PPP3CA: variants seen among roughly 807,000 people sequenced by gnomAD.
PPP3CA encodes the protein protein phosphatase 3 catalytic subunit alpha, also known as CAM-PRP catalytic subunit.
Under a neutral mutation model 66.5 loss-of-function variants are expected in PPP3CA, and 14 were observed. The ratio of observed to expected loss-of-function variants is 0.21; its 90% CI spans 0.14 to 0.33. PPP3CA has a LOEUF of 0.33. Among genes scored for constraint, PPP3CA ranks in the 10% least tolerant of loss-of-function variants. PPP3CA has a pLI of 1.00. For missense variants in PPP3CA, 317 were observed against 639.5 expected, an observed-to-expected ratio of 0.50 and a Z score of 5.44; for synonymous variants, 232 against 226.2, an observed-to-expected ratio of 1.03 and a Z score of -0.23.
intron 1 of PPP3CA, among the ~76,000 whole-genome samples, chr4:101,313,637 T>C (rs549308138): frequency 3.9e-5 from 6 of 152,280 alleles, no homozygotes; most frequent in African/African-American, 1.4e-4. Context: ...TGGTTGGTAG[T>C]ATTTTAAATC....
chr4:101,321,644 A>G (rs1404982375), intron 1 of PPP3CA, among the ~76,000 whole-genome samples: 1 of 152,226 alleles, frequency 6.6e-6, no homozygotes, highest in Non-Finnish European at 1.5e-5. Context: ...GGCATAAAAC[A>G]AGGGAACCCT....
chr4:101,108,883 T>C lies in PPP3CA; in HGVS notation c.384+71A>G, dbSNP rs1224320485. The C allele has an allele frequency of 3.4e-6, 5 of 1,480,550 alleles. No homozygotes were observed. The African/African-American group carries it at 5.6e-5, about 17-fold the overall frequency. 91.7% of individuals were successfully genotyped at this position (1,480,550 alleles called of 1,614,324 possible). On this transcript the variant is annotated intron_variant, in intron 3 of 13. Coordinates refer to ENST00000394854, the MANE Select transcript of PPP3CA (RefSeq NM_000944.5). ...GAGGTTTCCATAAGGCAATAACATT[T>C]ACTGCTTTTATTTTTTTGAGATACT...
intron 8 of PPP3CA, among the ~76,000 whole-genome samples, chr4:101,067,549 AAAC>A (rs1385174834): frequency 2.0e-5 from 3 of 151,622 alleles, no homozygotes; most frequent in African/African-American, 2.4e-5. Context: ...ACAAAAAAAA[AAAC>A]AACTAGTATT....
At chr4:101,156,526 C>T (rs1355339992) in intron 2 of PPP3CA, among the ~76,000 whole-genome samples, 1 of 151,992 alleles carries the variant, frequency 6.6e-6, no homozygotes, top group Non-Finnish European at 1.5e-5. Flanking sequence ...ACTAAAAATA[C>T]AAAATTAGCT....
intron 1 of PPP3CA, among the ~76,000 whole-genome samples, chr4:101,268,723 A>G (rs1276146103): frequency 6.6e-6 from 1 of 152,148 alleles, no homozygotes; most frequent in Non-Finnish European, 1.5e-5. Context: ...TTAATGTATT[A>G]GTCATATATA....
chr4:101,294,937 A>G (rs970267101), intron 1 of PPP3CA, among the ~76,000 whole-genome samples: 1 of 152,218 alleles, frequency 6.6e-6, no homozygotes, highest in African/African-American at 2.4e-5. Context: ...ATGTTTATAC[A>G]CAAGGTAAAG....
intron 1 of PPP3CA, among the ~76,000 whole-genome samples, chr4:101,236,209 TTAAA>T (rs1444080817): frequency 6.6e-6 from 1 of 151,872 alleles, no homozygotes; most frequent in Non-Finnish European, 1.5e-5. Context: ...GAAACAAACT[TTAAA>T]TAGTACGATA....
chr4:101,104,347 A>G (rs1730566291), intron 3 of PPP3CA, among the ~76,000 whole-genome samples: 1 of 152,190 alleles, frequency 6.6e-6, no homozygotes, highest in Non-Finnish European at 1.5e-5. Context: ...AGAACATTTT[A>G]TATCTAATGC....
At chr4:101,117,845 T>C (rs1721892258) in intron 2 of PPP3CA, among the ~76,000 whole-genome samples, 1 of 152,008 alleles carries the variant, frequency 6.6e-6, no homozygotes, top group Non-Finnish European at 1.5e-5. Flanking sequence ...TTGATTATCA[T>C]CACCAGCCCA....
rs192106472 is a variant in PPP3CA, at chr4:101,102,617, G to A, written c.385-2895C>T. The stretch of plus-strand genomic sequence containing the variant: ...TGCCAAGTACAACACTGTCTTGCCG[G>A]CAACTATTTTACCATCTAAAGCTCT... On this transcript the variant is annotated intron_variant, in intron 3 of 13. Transcript: ENST00000394854. 1.9e-4 allele frequency among the ~76,000 whole-genome samples: 29 copies of A among 152,146 alleles called. No individual in the cohort carries two copies. In the East Asian group the frequency reaches 4.8e-3, roughly 25 times the overall value.
intron 1 of PPP3CA, among the ~76,000 whole-genome samples, chr4:101,310,960 T>C (rs937611329): frequency 1.4e-4 from 21 of 152,180 alleles, no homozygotes; most frequent in Admixed American, 1.3e-4. Context: ...GTGAAAAATA[T>C]TAACACATTT....
At chr4:101,239,498 C>A (rs1726232682) in intron 1 of PPP3CA, among the ~76,000 whole-genome samples, 1 of 151,904 alleles carries the variant, frequency 6.6e-6, no homozygotes, top group South Asian at 2.1e-4. Context: ...AGGACAAGAC[C>A]TAAGGACAAT....
chr4:101,266,375 T>G (rs1004862487), intron 1 of PPP3CA, among the ~76,000 whole-genome samples: 2 of 152,172 alleles, frequency 1.3e-5, no homozygotes, highest in Non-Finnish European at 2.9e-5. Context: ...ATTAAGTGAA[T>G]GCATTTTTCA....
intron 1 of PPP3CA, among the ~76,000 whole-genome samples, chr4:101,289,876 G>A (rs1026934694): frequency 1.6e-4 from 15 of 91,254 alleles, no homozygotes; most frequent in African/African-American, 7.6e-4. Context: ...GTGTATGTGT[G>A]TGTGTGTGTG....
At chr4:101,332,901 C>T (rs1397221071) in intron 1 of PPP3CA, among the ~76,000 whole-genome samples, 1 of 152,160 alleles carries the variant, frequency 6.6e-6, no homozygotes, top group Non-Finnish European at 1.5e-5. Flanking sequence ...CTCCCCATCA[C>T]TGGAAGTATG....
Position 101,196,032 on chromosome 4 carries a change from G to A in PPP3CA, c.143C>T (p.Ala48Val), listed in dbSNP as rs764832679. The part of the protein sequence containing the change: ...DGKPRVDILK[A>V]HLMKEGRLEE... ...CAGCCTTCCCTCCTTCATAAGATGCGCCTTTAAGATATCCACACGAGGTTT... is the reference window on the plus strand; with the variant it reads ...CAGCCTTCCCTCCTTCATAAGATGCACCTTTAAGATATCCACACGAGGTTT... Residue 48 changes from alanine to valine, a missense_variant, in exon 2 of 14, where the codon GCG (alanine) becomes GTG (valine). By Grantham distance (64) the Ala-to-Val change is moderately conservative. Coordinates refer to ENST00000394854, the MANE Select transcript of PPP3CA (RefSeq NM_000944.5). The A allele has an allele frequency of 1.6e-5, 26 of 1,613,884 alleles. No homozygotes were observed. The highest frequency in any genetic ancestry group is 2.0e-5 in the Non-Finnish European group (24 of 1,179,956).
At chr4:101,342,267 A>G (rs1203405687) in intron 1 of PPP3CA, among the ~76,000 whole-genome samples, 2 of 152,164 alleles carry the variant, frequency 1.3e-5, no homozygotes, top group Non-Finnish European at 2.9e-5. Flanking sequence ...CACTTCTCAG[A>G]AAAACTATTA....
intron 1 of PPP3CA, among the ~76,000 whole-genome samples, chr4:101,255,035 CAAAAAAA>C (rs1163406764): frequency 2.2e-5 from 1 of 44,710 alleles, no homozygotes; most frequent in Non-Finnish European, 5.0e-5. Context: ...AGTCCCGTCT[CAAAAAAA>C]AAAAAAAAAA....
rs556302404 is a variant in PPP3CA at position 101,043,593 on chromosome 4, G to A, written c.1157-3027C>T. Among the ~76,000 whole-genome samples the A allele has an allele frequency of 9.3e-5, 14 of 151,294 alleles. No homozygotes were observed. The East Asian group carries it at 1.4e-3, about 15-fold the overall frequency. On this transcript the variant is annotated intron_variant, in intron 10 of 13. Transcript: ENST00000394854. ...AAAAACTCTCCTTTTCAAATTTCTC[G>A]GCCGGGCGCAGTGGCTCACGCCTGT...
Sources: gnomAD v4.1 joint callset for allele counts (sites outside exome capture counted in the v4.1 genomes callset) on GRCh38, gnomAD v4.1.1 for gene constraint, MANE v1.5 for transcripts, NCBI Gene and HGNC (gene_info 2026-07-23, HGNC 2026-07-21) for gene names.